Variants in IL12RB2 observed in about 807,000 individuals in gnomAD.
IL12RB2 encodes interleukin-12 receptor subunit beta-2.
In IL12RB2, 82 loss-of-function variants were observed where a neutral mutation model predicts 89.4. The observed-to-expected ratio is 0.92, with a 90% CI of 0.77 to 1.10. The LOEUF (loss-of-function observed/expected upper bound fraction) is 1.10, where lower values mean the gene tolerates loss of function less well. Among genes scored for constraint, IL12RB2 ranks in the 50% least tolerant of loss-of-function variants. The pLI, the probability that IL12RB2 is intolerant of heterozygous loss-of-function variation, is 0.00. For synonymous variants in IL12RB2, 368 were observed against 370.1 expected, an observed-to-expected ratio of 0.99 and a Z score of 0.07; for missense variants, 963 against 1,031.9, an observed-to-expected ratio of 0.93 and a Z score of 0.92.
At chr1:67,394,816 C>T (rs1432088260) in intron 16 of IL12RB2, among the ~76,000 whole-genome samples, 3 of 152,226 alleles carry the variant, frequency 2.0e-5, no homozygotes. Context: ...ACACATCTCT[C>T]AGGACTCAGC....
At chr1:67,361,939 A>T (rs1052020888) in intron 10 of IL12RB2, among the ~76,000 whole-genome samples, 1 of 152,208 alleles carries the variant, frequency 6.6e-6, no homozygotes, top group Non-Finnish European at 1.5e-5. Flanking sequence ...AGAAAACTTT[A>T]TAAGACCAAA....
In IL12RB2 at chr1:67,368,447, T is replaced by C. The variant is rs556300913; in HGVS notation, c.1459+422T>C. Among the ~76,000 whole-genome samples the C allele has an allele frequency of 2.0e-5, 3 of 152,336 alleles. No individual in the cohort carries two copies. In the East Asian group the frequency reaches 5.8e-4, roughly 29 times the overall value. On this transcript the variant is annotated intron_variant, in intron 11 of 16. Transcript: ENST00000674203. Reference sequence around the variant, plus strand: ...CAATCATGTTCAGTAAGAGTCGGTATGGCCATTATATAAATGAGGAAACCA... The same window carrying C: ...CAATCATGTTCAGTAAGAGTCGGTACGGCCATTATATAAATGAGGAAACCA...
At chr1:67,355,830 A>G (rs1484335394) in intron 10 of IL12RB2, among the ~76,000 whole-genome samples, 3 of 152,200 alleles carry the variant, frequency 2.0e-5, no homozygotes, top group African/African-American at 7.2e-5. Context: ...GAAGGAAAGA[A>G]CATGCCCCAG....
chr1:67,388,250 C>T (rs1057286638), intron 15 of IL12RB2, among the ~76,000 whole-genome samples: 2 of 152,156 alleles, frequency 1.3e-5, no homozygotes, highest in Admixed American at 6.5e-5. Context: ...AGTGCATTGT[C>T]GTCCTAGTAA....
chr1:67,330,216 G>A (rs1431758075), intron 7 of IL12RB2, among the ~76,000 whole-genome samples: 1 of 150,990 alleles, frequency 6.6e-6, no homozygotes, highest in Non-Finnish European at 1.5e-5. Flanking sequence ...AATAACAAAG[G>A]ATCAGTCCCA....
At chr1:67,360,088 T>G (rs1483176302) in intron 10 of IL12RB2, among the ~76,000 whole-genome samples, 1 of 152,010 alleles carries the variant, frequency 6.6e-6, no homozygotes, top group African/African-American at 2.4e-5. Context: ...CCTCACAGTT[T>G]TGTGAGTTTT....
chr1:67,346,371 G>GTTATTTTTT (rs1557429350), intron 9 of IL12RB2, among the ~76,000 whole-genome samples: 1 of 134,554 alleles, frequency 7.4e-6, no homozygotes, highest in African/African-American at 2.8e-5. Flanking sequence ...CCAGGTGAGG[G>GTTATTTTTT]TTGTCTATTT....
At chr1:67,340,095 C>A (rs1191347719) in intron 9 of IL12RB2, among the ~76,000 whole-genome samples, 3 of 152,154 alleles carry the variant, frequency 2.0e-5, no homozygotes, top group Non-Finnish European at 4.4e-5. Context: ...TTGATCATTG[C>A]ACACTTCTTC....
chr1:67,372,865 T>C (rs1316350818), intron 13 of IL12RB2, 82 bp downstream of exon 13: 1 of 902,004 alleles, frequency 1.1e-6, no homozygotes, highest in African/African-American at 1.6e-5. Flanking sequence ...TGTGCACATC[T>C]ACACACATGT....
Position 67,395,762 on chromosome 1 carries a change from A to G in IL12RB2, c.2262A>G (p.Arg754=), listed in dbSNP as rs1373637576. Residue 754 remains arginine, a synonymous_variant, in exon 17 of 17, where the codon AGA becomes AGG. Coordinates refer to ENST00000674203, the MANE Select transcript of IL12RB2 (RefSeq NM_001374259.2). The stretch of plus-strand genomic sequence containing the variant: ...GTGCCTCAAGCCCACCACCTCCAAG[A>G]GCTCTCCAAGCTGAGAGCAGACAAC... The part of the protein sequence containing the change: ...MHSASSPPPP[R]ALQAESRQLV... 4 of 1,613,638 alleles carry G rather than the reference A, an allele frequency of 2.5e-6. No homozygotes were observed. The South Asian group carries it at 4.4e-5, about 18-fold the overall frequency.
chr1:67,370,326 G>A (rs1663163730), intron 11 of IL12RB2, among the ~76,000 whole-genome samples: 1 of 152,110 alleles, frequency 6.6e-6, no homozygotes, highest in African/African-American at 2.4e-5. Flanking sequence ...GTGGAGGCTA[G>A]GCTAGAGACC....
intron 7 of IL12RB2, among the ~76,000 whole-genome samples, chr1:67,329,992 CTTA>C (rs1170041683): frequency 6.6e-6 from 1 of 151,908 alleles, no homozygotes; most frequent in Non-Finnish European, 1.5e-5. Context: ...TTCATTTCTC[CTTA>C]TTATTTACCC....
At chr1:67,361,834 C>A (rs925069548) in intron 10 of IL12RB2, among the ~76,000 whole-genome samples, 1 of 151,920 alleles carries the variant, frequency 6.6e-6, no homozygotes, top group Non-Finnish European at 1.5e-5. Context: ...TAAATGGCAC[C>A]CTCCACCCAC....
chr1:67,338,336 C>CAAAAAAAAAAAAAAAAAAAAAAA (rs572505092), intron 8 of IL12RB2, among the ~76,000 whole-genome samples: 1 of 40,110 alleles, frequency 2.5e-5, no homozygotes, highest in Admixed American at 3.5e-4. Context: ...GATCCTGTCT[C>CAAAAAAAAAAAAAAAAAAAAAAA]AAAAAAAAAA....
intron 4 of IL12RB2, 92 bp downstream of exon 4, chr1:67,321,981 G>C (rs1656599574): frequency 4.7e-6 from 5 of 1,057,282 alleles, no homozygotes; most frequent in Non-Finnish European, 7.4e-6. Context: ...CCCAAATACA[G>C]GTTAATGTTC....
chr1:67,362,662 A>G (rs1403962591), intron 10 of IL12RB2, among the ~76,000 whole-genome samples: 1 of 151,874 alleles, frequency 6.6e-6, no homozygotes, highest in Non-Finnish European at 1.5e-5. Flanking sequence ...TATTGAGAGA[A>G]AAAAAGCCCA....
Position 67,398,112 on chromosome 1 carries a change from A to C in IL12RB2, c.*2023A>C, listed in dbSNP as rs1003125490. On this transcript the variant is annotated 3_prime_UTR_variant, in exon 17 of 17. Coordinates refer to ENST00000674203, the MANE Select transcript of IL12RB2 (RefSeq NM_001374259.2). Reference sequence around the variant, plus strand: ...TTCGTTTCTATTTCTATTCCACTCTATTTAGCTATTATTGTGCGGCACCCC... The same window carrying C: ...TTCGTTTCTATTTCTATTCCACTCTCTTTAGCTATTATTGTGCGGCACCCC... Among the ~76,000 whole-genome samples the C allele has an allele frequency of 1.2e-4, 18 of 151,744 alleles. No individual in the cohort carries two copies. The highest frequency in any genetic ancestry group is 4.4e-4 in the African/African-American group (18 of 41,268).
Position 67,338,336 on chromosome 1 carries a change from CAAAAAAAAAAAAAAAAAAAAA to C in IL12RB2, c.959-271_959-251del, listed in dbSNP as rs572505092. On this transcript the variant is annotated intron_variant, in intron 8 of 16. Transcript: ENST00000674203. ...GAGGCAACAGAGCAAGATCCTGTCT[CAAAAAAAAAAAAAAAAAAAAA>C]AAAAAAAAAAAAAAAAGTAAGTTAA... Among the ~76,000 whole-genome samples the C allele has an allele frequency of 2.7e-3, 110 of 40,114 alleles. 1 individual carries two copies. The highest frequency in any genetic ancestry group is 6.6e-3 in the African/African-American group (96 of 14,444). 26.3% of individuals were successfully genotyped at this position (40,114 alleles called of 152,430 possible).
At chr1:67,326,918 GTTTTC>G in intron 5 of IL12RB2, 69 bp downstream of exon 5, 4 of 1,222,356 alleles carry the variant, frequency 3.3e-6, no homozygotes, top group Non-Finnish European at 4.2e-6. Context: ...AGAAATATCT[GTTTTC>G]TTTATTTATT....
Sources: gnomAD v4.1 joint callset for allele counts (sites outside exome capture counted in the v4.1 genomes callset) on GRCh38, gnomAD v4.1.1 for gene constraint, MANE v1.5 for transcripts, NCBI Gene and HGNC (gene_info 2026-07-23, HGNC 2026-07-21) for gene names.